Variants in PHIP observed in about 807,000 individuals in gnomAD.
PHIP encodes the protein PH-interacting protein.
PHIP carries 54 observed loss-of-function variants against 236.8 expected under a neutral mutation model. The ratio of observed to expected loss-of-function variants is 0.23; its 90% CI spans 0.18 to 0.29. PHIP has a LOEUF of 0.29. Ranked by LOEUF, PHIP falls within the 10% of genes least tolerant of loss-of-function variation. PHIP has a pLI of 1.00. For missense variants in PHIP, 1,370 were observed against 2,190.8 expected (o/e 0.63, Z 7.48); for synonymous variants, 756 against 718.9 (o/e 1.05, Z -0.83).
rs138677987 is a variant in PHIP, at chr6:78,946,182, T to A, written c.4449A>T (p.Arg1483=). 6.2e-7 allele frequency: 1 copy of A among 1,613,904 alleles called. No individual in the cohort carries two copies. Among genetic ancestry groups the A allele is most frequent in the Non-Finnish European group, 8.5e-7 (1 of 1,179,780 alleles). ...SSTSAFSTPT[R]SIPPRHNAAQ... ...CAGCATTGTGTCTTGGCGGTATTGA[T>A]CGTGTAGGTGTAGAGAATGCAGAGG... Residue 1483 remains arginine, a synonymous_variant, in exon 38 of 40, where the codon CGA becomes CGT. Coordinates refer to ENST00000275034, the MANE Select transcript of PHIP (RefSeq NM_017934.7).
At chr6:79,049,942 CA>C (rs904210657) in intron 6 of PHIP, among the ~76,000 whole-genome samples, 21 of 151,660 alleles carry the variant, frequency 1.4e-4, no homozygotes, top group African/African-American at 5.1e-4. Flanking sequence ...TAGAGATCCA[CA>C]AAAGTGTTTT....
intron 7 of PHIP, among the ~76,000 whole-genome samples, chr6:79,033,085 G>T (rs773877441): frequency 6.6e-6 from 1 of 151,894 alleles, no homozygotes; most frequent in Non-Finnish European, 1.5e-5. Context: ...TGAGCAGTAG[G>T]TATCAACAGT....
chr6:78,975,124 A>G (rs1188240159), intron 24 of PHIP, among the ~76,000 whole-genome samples: 3 of 151,932 alleles, frequency 2.0e-5, no homozygotes, highest in African/African-American at 7.3e-5. Flanking sequence ...AAAATCCTCA[A>G]TAAAATACTG....
intron 13 of PHIP, 121 bp from the exon 14 acceptor site, chr6:79,015,904 T>C (rs943359713): frequency 9.5e-6 from 6 of 630,330 alleles, no homozygotes; most frequent in Non-Finnish European, 1.3e-5. Context: ...TAACAGTAAC[T>C]GAGAAGTTTG....
At chr6:79,025,897 T>TGTA in intron 8 of PHIP, 46 bp downstream of exon 8, 1 of 1,334,272 alleles carries the variant, frequency 7.5e-7, no homozygotes, top group South Asian at 1.2e-5. Context: ...TACTTTACAT[T>TGTA]ATAACAACAA....
At chr6:78,979,657 C>T (rs1768376590) in intron 23 of PHIP, among the ~76,000 whole-genome samples, 1 of 151,998 alleles carries the variant, frequency 6.6e-6, no homozygotes, top group Admixed American at 6.6e-5. Flanking sequence ...AATGAACTTT[C>T]TAAGAACATT....
At chr6:78,947,499 GACA>G (rs2127683480) in intron 36 of PHIP, 121 bp downstream of exon 36, 2 of 556,598 alleles carry the variant, frequency 3.6e-6, no homozygotes, top group Non-Finnish European at 6.3e-6. Context: ...TTTCCAGTAG[GACA>G]ACATTAAGAA....
At chr6:78,945,620 T>C (rs1773770795) in intron 38 of PHIP, 123 bp from the exon 39 acceptor site, 3 of 671,654 alleles carry the variant, frequency 4.5e-6, no homozygotes, top group African/African-American at 1.8e-5. Flanking sequence ...TAAAGCTTTC[T>C]TAGGAAAGCT....
intron 24 of PHIP, among the ~76,000 whole-genome samples, chr6:78,974,985 T>A (rs543324044): frequency 6.6e-6 from 1 of 151,314 alleles, no homozygotes; most frequent in Non-Finnish European, 1.5e-5. Flanking sequence ...ACTATTCCAA[T>A]CAATAGAAAA....
chr6:79,016,767 T>C, intron 12 of PHIP, 125 bp from the exon 13 acceptor site: 1 of 574,540 alleles, frequency 1.7e-6, no homozygotes, highest in Non-Finnish European at 3.1e-6. Flanking sequence ...TCTAATAACT[T>C]CTGAAACTTT....
At chr6:79,018,003 T>C (rs575126237) in intron 10 of PHIP, among the ~76,000 whole-genome samples, 1 of 151,912 alleles carries the variant, frequency 6.6e-6, no homozygotes, top group South Asian at 2.1e-4. Flanking sequence ...AACTTTGCAA[T>C]TAAATGAGGC....
chr6:78,985,661 C>T (rs764640545), intron 21 of PHIP, among the ~76,000 whole-genome samples: 4 of 151,932 alleles, frequency 2.6e-5, no homozygotes, highest in Non-Finnish European at 5.9e-5. Flanking sequence ...GCCAACGTGG[C>T]GACACCCTGT....
At chr6:79,006,249 T>C (rs550835184) in intron 15 of PHIP, among the ~76,000 whole-genome samples, 41 of 152,020 alleles carry the variant, frequency 2.7e-4, no homozygotes, top group Non-Finnish European at 4.0e-4. Flanking sequence ...TATTTATTAA[T>C]AGATCCTCAG....
chr6:78,941,100 G>C lies in PHIP; in HGVS notation c.5059C>G (p.Leu1687Val). 1 of 1,613,636 alleles carries C rather than the reference G, an allele frequency of 6.2e-7. No individual in the cohort carries two copies. Among genetic ancestry groups the C allele is most frequent in the Non-Finnish European group, 8.5e-7 (1 of 1,179,570 alleles). Residue 1687 changes from leucine (L) to valine (V), a missense_variant, in exon 40 of 40, where the codon CTT (leucine) becomes GTT (valine). By Grantham distance (32) the Leu-to-Val change is conservative. Coordinates refer to ENST00000275034, the MANE Select transcript of PHIP (RefSeq NM_017934.7). ...AGAAAATTGCATGTTGAAGAAGGAAGTACTTCATCTCTGATGGGATGCACA... is the reference window on the plus strand; with the variant it reads ...AGAAAATTGCATGTTGAAGAAGGAACTACTTCATCTCTGATGGGATGCACA... ...NNVHPIRDEV[L>V]PSSTCNFLSE... is the part of the protein sequence containing the mutation.
chr6:78,978,350 T>C (rs1400538658), intron 24 of PHIP, among the ~76,000 whole-genome samples: 12 of 152,052 alleles, frequency 7.9e-5, no homozygotes, highest in Admixed American at 7.9e-4. Context: ...TACTAAAACA[T>C]ACATTTCTTT....
chr6:78,974,566 C>CA (rs1767897678), intron 24 of PHIP, among the ~76,000 whole-genome samples: 1 of 151,786 alleles, frequency 6.6e-6, no homozygotes, highest in African/African-American at 2.4e-5. Flanking sequence ...AAAAACCCTT[C>CA]AAAAAATTAA....
At chr6:79,034,378 T>C (rs779930165) in intron 7 of PHIP, among the ~76,000 whole-genome samples, 1 of 152,174 alleles carries the variant, frequency 6.6e-6, no homozygotes, top group Non-Finnish European at 1.5e-5. Context: ...CTTTCTACTG[T>C]TAGGCACTTT....
chr6:78,940,928 T>C lies in PHIP; in HGVS notation c.5231A>G (p.Lys1744Arg). The part of the protein sequence containing the change: ...SVKVLRRSNR[K>R]KIDDPIDEEE... ...CTCATCTATAGGATCATCTATCTTTTTTCGGTTACTTCTCCTTAACACTTT... is the reference window on the plus strand; with the variant it reads ...CTCATCTATAGGATCATCTATCTTTCTTCGGTTACTTCTCCTTAACACTTT... The change falls in exon 40 of 40, where the codon AAA becomes AGA. Residue 1744 changes from lysine to arginine, a missense_variant. By Grantham distance (26) the Lys-to-Arg change is conservative. Transcript: ENST00000275034. 1 of 1,614,054 alleles carries C rather than the reference T, an allele frequency of 6.2e-7. No homozygotes were observed. The highest frequency in any genetic ancestry group is 8.5e-7 in the Non-Finnish European group (1 of 1,179,920).
intron 21 of PHIP, among the ~76,000 whole-genome samples, chr6:78,987,369 AGAAT>A (rs1389874716): frequency 6.6e-6 from 1 of 152,048 alleles, no homozygotes; most frequent in Non-Finnish European, 1.5e-5. Context: ...TTTTTTTGCC[AGAAT>A]GAATATATCA....
Sources: allele counts gnomAD v4.1 joint callset (sites outside exome capture counted in the v4.1 genomes callset), GRCh38; gene constraint gnomAD v4.1.1; transcripts MANE v1.5; gene names NCBI Gene and HGNC (gene_info 2026-07-23, HGNC 2026-07-21).